The following TRPM3 variants were observed in gnomAD, a reference collection of about 807,000 sequenced individuals.
TRPM3 encodes long transient receptor potential channel 3.
TRPM3 carries 77 observed loss-of-function variants against 181.2 expected under a neutral mutation model. The observed-to-expected ratio is 0.42, with a 90% CI of 0.35 to 0.51. TRPM3 has a LOEUF of 0.51. Among genes scored for constraint, TRPM3 ranks in the 20% least tolerant of loss-of-function variants. TRPM3 has a pLI of 0.01. For synonymous variants in TRPM3, 745 were observed against 796.4 expected, an observed-to-expected ratio of 0.94 and a Z score of 1.09; for missense variants, 1,759 against 2,196.7, an observed-to-expected ratio of 0.80 and a Z score of 3.98.
intron 5 of TRPM3, among the ~76,000 whole-genome samples, chr9:70,840,536 G>A (rs917398775): frequency 6.6e-6 from 1 of 151,956 alleles, no homozygotes; most frequent in African/African-American, 2.4e-5. Context: ...CAGTTGGGAA[G>A]GCAGACAATG....
intron 1 of TRPM3, among the ~76,000 whole-genome samples, chr9:71,198,195 T>C (rs2078522530): frequency 6.6e-6 from 1 of 152,102 alleles, no homozygotes; most frequent in Non-Finnish European, 1.5e-5. Context: ...TATGTGGTGT[T>C]ATTTCTGAGG....
chr9:71,238,035 G>GTATC (rs2081463855), intron 1 of TRPM3, among the ~76,000 whole-genome samples: 1 of 152,262 alleles, frequency 6.6e-6, no homozygotes, highest in African/African-American at 2.4e-5. Context: ...GGTACAGCGT[G>GTATC]TATCTGTCAA....
chr9:71,108,669 TA>T (rs1781208526), intron 1 of TRPM3, among the ~76,000 whole-genome samples: 1 of 152,108 alleles, frequency 6.6e-6, no homozygotes, highest in South Asian at 2.1e-4. Flanking sequence ...AAGAAAAGTA[TA>T]AAGTAGATGG....
chr9:71,288,613 C>G (rs758922663), intron 1 of TRPM3, among the ~76,000 whole-genome samples: 1 of 152,082 alleles, frequency 6.6e-6, no homozygotes, highest in Non-Finnish European at 1.5e-5. Flanking sequence ...CATTTTCACA[C>G]AGAGCTGAGT....
chr9:70,539,615 G>A (rs941241062), intron 25 of TRPM3, among the ~76,000 whole-genome samples: 1 of 151,912 alleles, frequency 6.6e-6, no homozygotes, highest in African/African-American at 2.4e-5. Context: ...CAAACTCAAC[G>A]CCATGCACTC....
chr9:71,110,209 A>G (rs2070756945), intron 1 of TRPM3, among the ~76,000 whole-genome samples: 1 of 152,152 alleles, frequency 6.6e-6, no homozygotes, highest in African/African-American at 2.4e-5. Context: ...AAGTAAATTC[A>G]AGAATGTTAA....
At chr9:71,397,715 TC>T (rs976111409) in intron 1 of TRPM3, among the ~76,000 whole-genome samples, 1 of 152,122 alleles carries the variant, frequency 6.6e-6, no homozygotes, top group Non-Finnish European at 1.5e-5. Flanking sequence ...TCACCTAAAT[TC>T]CCATGGTCTA....
intron 1 of TRPM3, among the ~76,000 whole-genome samples, chr9:71,286,531 GACTGGGACAGGAAAAGAGATATTC>G (rs2085290413): frequency 6.6e-6 from 1 of 152,092 alleles, no homozygotes; most frequent in Admixed American, 6.6e-5. Flanking sequence ...GAGTGTGGAA[GACTGGGACAGGAAAAGAGATATTC>G]ACTGGAATCA....
intron 1 of TRPM3, among the ~76,000 whole-genome samples, chr9:70,873,668 A>C (rs1000625590): frequency 3.9e-5 from 6 of 151,966 alleles, no homozygotes; most frequent in Admixed American, 2.6e-4. Context: ...TGATGGGCTT[A>C]GCTGGCCACT....
chr9:71,134,392 A>C (rs1476591947), intron 1 of TRPM3, among the ~76,000 whole-genome samples: 1 of 151,894 alleles, frequency 6.6e-6, no homozygotes, highest in Non-Finnish European at 1.5e-5. Flanking sequence ...TCTCTACTAA[A>C]AATACAAAAA....
intron 1 of TRPM3, among the ~76,000 whole-genome samples, chr9:71,083,713 T>TACACACACACACAC (rs34900575): frequency 6.9e-6 from 1 of 145,290 alleles, no homozygotes; most frequent in South Asian, 2.2e-4. Flanking sequence ...TATTATTATG[T>TACACACACACACAC]ACACACACAC....
intron 1 of TRPM3, among the ~76,000 whole-genome samples, chr9:71,357,464 C>T (rs1442962957): frequency 1.3e-5 from 2 of 152,090 alleles, no homozygotes; most frequent in South Asian, 2.1e-4. Context: ...TACTGAAATT[C>T]GTAGCAGTTC....
intron 1 of TRPM3, among the ~76,000 whole-genome samples, chr9:71,286,994 T>TAG (rs2085346440): frequency 7.0e-6 from 1 of 142,462 alleles, no homozygotes; most frequent in South Asian, 2.1e-4. Context: ...TATAATTATA[T>TAG]TATATAATAT....
chr9:71,200,047 T>C (rs1446745531), intron 1 of TRPM3, among the ~76,000 whole-genome samples: 4 of 152,212 alleles, frequency 2.6e-5, no homozygotes, highest in Non-Finnish European at 5.9e-5. Context: ...GCTTTGAATG[T>C]GTCCCAGAGA....
At chr9:70,848,312 G>T (rs569981822) in intron 3 of TRPM3, among the ~76,000 whole-genome samples, 1 of 152,130 alleles carries the variant, frequency 6.6e-6, no homozygotes, top group South Asian at 2.1e-4. Flanking sequence ...ATGAGATGCA[G>T]CCAGGAAAAC....
intron 1 of TRPM3, among the ~76,000 whole-genome samples, chr9:71,249,375 T>A (rs1411656657): frequency 6.6e-6 from 1 of 152,208 alleles, no homozygotes; most frequent in Non-Finnish European, 1.5e-5. Context: ...AAATATTTTT[T>A]AAAAATCAGA....
intron 22 of TRPM3, among the ~76,000 whole-genome samples, chr9:70,576,761 C>T (rs1297165550): frequency 5.3e-5 from 8 of 152,154 alleles, no homozygotes; most frequent in Admixed American, 3.9e-4. Flanking sequence ...GATCCACCCA[C>T]CTCAGCCTCC....
chr9:71,199,073 T>G (rs1160539952), intron 1 of TRPM3, among the ~76,000 whole-genome samples: 4 of 151,052 alleles, frequency 2.6e-5, no homozygotes, highest in Admixed American at 1.3e-4. Flanking sequence ...TTGAGAGTTT[T>G]TAGCATGAAG....
intron 1 of TRPM3, among the ~76,000 whole-genome samples, chr9:71,361,584 G>C (rs940424982): frequency 6.6e-6 from 1 of 152,180 alleles, no homozygotes; most frequent in Admixed American, 6.5e-5. Context: ...GCTGGAGAGA[G>C]AGCAAGGTTT....
Sources: allele counts gnomAD v4.1 joint callset (sites outside exome capture counted in the v4.1 genomes callset), GRCh38; gene constraint gnomAD v4.1.1; transcripts MANE v1.5; gene names NCBI Gene and HGNC (gene_info 2026-07-23, HGNC 2026-07-21).